Variants in RGSL1 observed in about 807,000 individuals in gnomAD.
RGSL1 encodes the protein regulator of G protein signaling protein-like.
In RGSL1, 97 loss-of-function variants were observed where a neutral mutation model predicts 124.7. That is an observed-to-expected ratio of 0.78 (90% CI 0.66 to 0.92). RGSL1 has a LOEUF of 0.92. Among genes scored for constraint, RGSL1 ranks in the 40% least tolerant of loss-of-function variants. The pLI is 0.00. For synonymous variants in RGSL1, 424 were observed against 438.1 expected (o/e 0.97, Z 0.40); for missense variants, 1,233 against 1,288.4 (o/e 0.96, Z 0.66).
chr1:182,459,957 G>T lies in RGSL1; in HGVS notation c.172-47G>T, dbSNP rs1390931611. The T allele has an allele frequency of 3.3e-6, 5 of 1,534,480 alleles. No individual in the cohort carries two copies. The Admixed American group carries it at 6.1e-5, about 19-fold the overall frequency. On this transcript the variant is annotated intron_variant, in intron 3 of 21. Transcript: ENST00000294854. The stretch of plus-strand genomic sequence containing the variant: ...CTTACTAAGTTGTATTTTTTTAGCA[G>T]TTCGGTTTCACTTAGCATTTTTGTT...
intron 6 of RGSL1, among the ~76,000 whole-genome samples, chr1:182,476,377 A>G (rs545056576): frequency 8.5e-4 from 129 of 152,260 alleles, no homozygotes; most frequent in Admixed American, 2.5e-3. Flanking sequence ...AAACATTTTT[A>G]TATCATTCTT....
At chr1:182,493,821 G>A (rs1004895729) in intron 9 of RGSL1, among the ~76,000 whole-genome samples, 1 of 152,150 alleles carries the variant, frequency 6.6e-6, no homozygotes, top group East Asian at 1.9e-4. Flanking sequence ...CTTTGGCCCT[G>A]AAGGGAGGTT....
chr1:182,490,654 A>G (rs1237957659), intron 8 of RGSL1, among the ~76,000 whole-genome samples: 1 of 152,138 alleles, frequency 6.6e-6, no homozygotes, highest in Non-Finnish European at 1.5e-5. Flanking sequence ...CACCACACAT[A>G]TGTTGGGCAA....
chr1:182,472,882 A>G (rs903026576), intron 5 of RGSL1, among the ~76,000 whole-genome samples: 7 of 151,970 alleles, frequency 4.6e-5, no homozygotes, highest in Admixed American at 3.9e-4. Flanking sequence ...TTTAATTGGG[A>G]TTCTCTAGAA....
intron 4 of RGSL1, among the ~76,000 whole-genome samples, chr1:182,469,308 TCAA>T (rs961824801): frequency 7.2e-5 from 11 of 151,954 alleles, no homozygotes; most frequent in Non-Finnish European, 1.6e-4. Flanking sequence ...CACCTAAAAC[TCAA>T]CAACAACAAA....
chr1:182,482,030 A>G (rs1654747655), intron 6 of RGSL1, among the ~76,000 whole-genome samples: 1 of 152,204 alleles, frequency 6.6e-6, no homozygotes, highest in Admixed American at 6.5e-5. Context: ...TAAAAGAATT[A>G]TACACAATTA....
chr1:182,532,583 C>T lies in RGSL1; in HGVS notation c.2365-79C>T, dbSNP rs952679822. 3 of 1,403,000 alleles carry T rather than the reference C, an allele frequency of 2.1e-6. No individual in the cohort carries two copies. The African/African-American group carries it at 4.4e-5, about 20-fold the overall frequency. 86.9% of individuals were successfully genotyped at this position (1,403,000 alleles called of 1,614,324 possible). A position where few individuals can be genotyped will look rare whatever the true frequency, so the allele number is the denominator to read the frequency against. ...TGTGAGGATTAAATGTAGTGAATACCAAGTTTTGGCACACAGTAGACTCTC... is the reference window on the plus strand; with the variant it reads ...TGTGAGGATTAAATGTAGTGAATACTAAGTTTTGGCACACAGTAGACTCTC... On this transcript the variant is annotated intron_variant, in intron 13 of 21. Transcript: ENST00000294854.
chr1:182,510,624 T>C (rs1191173023), intron 9 of RGSL1, among the ~76,000 whole-genome samples: 1 of 38,590 alleles, frequency 2.6e-5, no homozygotes, highest in South Asian at 6.0e-4. Flanking sequence ...AGCAGTACAG[T>C]CCAGCTTCGG....
chr1:182,528,436 A>G (rs1252081988), intron 11 of RGSL1, among the ~76,000 whole-genome samples: 1 of 152,204 alleles, frequency 6.6e-6, no homozygotes. Flanking sequence ...GTCCAAGTCC[A>G]AAGTCTCATC....
In RGSL1 at chr1:182,556,051, G is replaced by A; in HGVS notation, c.3225G>A (p.Glu1075=). ...AAAAATTATCCTACATCAAAAAAGAGAAGTAATCAAGCGAGACCCCCAGCA... is the reference window on the plus strand; with the variant it reads ...AAAAATTATCCTACATCAAAAAAGAAAAGTAATCAAGCGAGACCCCCAGCA... ...QGQKLSYIKK[E]K The change falls in exon 21 of 22, where the codon GAG becomes GAA. Residue 1075 remains glutamate, a synonymous_variant. Transcript: ENST00000294854. 1 of 1,551,564 alleles carries A rather than the reference G, an allele frequency of 6.4e-7. No homozygotes were observed. Among genetic ancestry groups the A allele is most frequent in the Middle Eastern group, 1.7e-4 (1 of 5,992 alleles).
chr1:182,551,276 C>A, intron 18 of RGSL1, 67 bp downstream of exon 18: 1 of 1,293,426 alleles, frequency 7.7e-7, no homozygotes, highest in Non-Finnish European at 1.1e-6. Context: ...AAAGCAAGGG[C>A]CCAAGGGGCC....
chr1:182,488,725 CAAAAAAAAAAA>C (rs561296385), intron 7 of RGSL1: 18 of 104,882 alleles, frequency 1.7e-4, no homozygotes, highest in African/African-American at 5.6e-4. Context: ...GACTCCGTCT[CAAAAAAAAAAA>C]AAAAAAAAAA....
intron 12 of RGSL1, 104 bp downstream of exon 12, chr1:182,530,465 C>T: frequency 4.6e-6 from 4 of 877,970 alleles, no homozygotes; most frequent in Non-Finnish European, 7.0e-6. Flanking sequence ...TAGCTCATTG[C>T]CAGAGCCTCT....
intron 15 of RGSL1, among the ~76,000 whole-genome samples, chr1:182,543,626 G>T (rs1478355657): frequency 6.6e-6 from 1 of 151,954 alleles, no homozygotes; most frequent in Non-Finnish European, 1.5e-5. Context: ...AGTAATATTA[G>T]TTTTTATTTA....
At chr1:182,535,095 A>C (rs1417816682) in intron 14 of RGSL1, among the ~76,000 whole-genome samples, 13 of 152,152 alleles carry the variant, frequency 8.5e-5, no homozygotes, top group Admixed American at 8.5e-4. Context: ...CATACTTATA[A>C]GTGACTATAT....
At chr1:182,498,295 G>T (rs1333479165) in intron 9 of RGSL1, among the ~76,000 whole-genome samples, 1 of 40,142 alleles carries the variant, frequency 2.5e-5, no homozygotes, top group Non-Finnish European at 7.6e-5. Flanking sequence ...TCTTGAGCAT[G>T]CTCTTGCTTT....
intron 14 of RGSL1, among the ~76,000 whole-genome samples, chr1:182,536,797 A>G (rs1212132682): frequency 1.3e-5 from 2 of 151,980 alleles, no homozygotes; most frequent in African/African-American, 4.8e-5. Flanking sequence ...ATCTCGTGAG[A>G]CTTATTCACT....
chr1:182,515,463 A>G (rs1161173831), intron 9 of RGSL1, among the ~76,000 whole-genome samples: 1 of 148,348 alleles, frequency 6.7e-6, no homozygotes, highest in Admixed American at 6.8e-5. Context: ...ATTTGCAGTT[A>G]CTAGCAAGCA....
At chr1:182,497,283 A>ATG (rs1331492956) in intron 9 of RGSL1, among the ~76,000 whole-genome samples, 4 of 148,084 alleles carry the variant, frequency 2.7e-5, no homozygotes, top group Admixed American at 2.0e-4. Flanking sequence ...GTGTGTGTGC[A>ATG]TGTGTGTGTG....
Sources: allele counts gnomAD v4.1 joint callset (sites outside exome capture counted in the v4.1 genomes callset), GRCh38; gene constraint gnomAD v4.1.1; transcripts MANE v1.5; gene names NCBI Gene and HGNC (gene_info 2026-07-23, HGNC 2026-07-21).